PAX2: variants seen among roughly 807,000 people sequenced by gnomAD.
PAX2 encodes the protein paired box 2, also known as paired box protein Pax-2.
In PAX2, 9 loss-of-function variants were observed where a neutral mutation model predicts 41.7. The observed-to-expected ratio is 0.22, with a 90% CI of 0.13 to 0.38. The LOEUF is 0.38. PAX2 is among the 10% of genes least tolerant of loss of function. PAX2 has a pLI of 1.00. For missense variants in PAX2, 418 were observed against 531.6 expected (o/e 0.79, Z 2.10); for synonymous variants, 221 against 212.7 (o/e 1.04, Z -0.34).
chr10:100,745,845 C>A lies in PAX2; in HGVS notation c.-416C>A. The A allele has an allele frequency of 9.1e-7, 1 of 1,100,946 alleles. No individual in the cohort carries two copies. The highest frequency in any genetic ancestry group is 1.1e-6 in the Non-Finnish European group (1 of 904,092). The allele number at this position is 1,100,946 out of a possible 1,614,324, so 68.2% of individuals were successfully genotyped here. On this transcript the variant is annotated 5_prime_UTR_variant, in exon 1 of 10. Coordinates refer to ENST00000355243, the MANE Select transcript of PAX2 (RefSeq NM_000278.5). ...CTCCCCTCCCGGCGCCCTCTGACCG[C>A]CCCCGCCCCGCGCGCTCTCCGACCA... is the stretch of plus-strand genomic sequence containing the variant.
upstream of PAX2, among the ~76,000 whole-genome samples, chr10:100,741,846 A>T (rs1844966495): frequency 6.6e-6 from 1 of 152,106 alleles, no homozygotes; most frequent in African/African-American, 2.4e-5. Flanking sequence ...TAATGCATTT[A>T]ATTTGGTCCG....
intron 3 of PAX2, among the ~76,000 whole-genome samples, chr10:100,766,931 A>G (rs1176971200): frequency 6.6e-6 from 1 of 152,224 alleles, no homozygotes; most frequent in Admixed American, 6.5e-5. Context: ...ATCAATGAAC[A>G]CAATAATTCA....
chr10:100,807,700 A>C lies in PAX2; in HGVS notation c.792+1095A>C, dbSNP rs143457859. ...GAGCCCCCAGCACACCCGCTCCCACACAGGGGCACACTCCCATCCCTGCTA... is the reference window on the plus strand; with the variant it reads ...GAGCCCCCAGCACACCCGCTCCCACCCAGGGGCACACTCCCATCCCTGCTA... On this transcript the variant is annotated intron_variant, in intron 6 of 9. Transcript: ENST00000355243. 6.6e-3 allele frequency among the ~76,000 whole-genome samples: 1,005 copies of C among 152,260 alleles called. 10 individuals are homozygous for C. The highest frequency in any genetic ancestry group is 0.01 in the Middle Eastern group (3 of 294).
At chr10:100,786,970 T>A in intron 5 of PAX2, 1 of 1,389,338 alleles carries the variant, frequency 7.2e-7, no homozygotes, top group South Asian at 1.1e-5. Context: ...CCTGCCCACA[T>A]TAGAGGAGGT....
intron 5 of PAX2, among the ~76,000 whole-genome samples, chr10:100,802,615 G>T (rs1847604400): frequency 6.6e-6 from 1 of 152,172 alleles, no homozygotes; most frequent in Non-Finnish European, 1.5e-5. Flanking sequence ...TCTGCCAGAG[G>T]TATGGCTTTG....
chr10:100,748,410 A>C lies in PAX2; in HGVS notation c.44-1336A>C. 1 of 983,872 alleles carries C rather than the reference A, an allele frequency of 1.0e-6. No homozygotes were observed. Among genetic ancestry groups the C allele is most frequent in the Non-Finnish European group, 1.2e-6 (1 of 829,604 alleles). The allele number at this position is 983,872 out of a possible 1,614,324, so 60.9% of individuals were successfully genotyped here. A position where few individuals can be genotyped will look rare whatever the true frequency, so the allele number is the denominator to read the frequency against. The stretch of plus-strand genomic sequence containing the variant: ...GAGGTCTTTCCCCAGGGTTTCACCG[A>C]GCTTGCTCTAGGTACCCCCCGAGAA... On this transcript the variant is annotated intron_variant, in intron 1 of 9. Coordinates refer to ENST00000355243, the MANE Select transcript of PAX2 (RefSeq NM_000278.5). The surrounding 1 kb of genome is among the most constrained non-coding windows in gnomAD (Gnocchi z 5.0).
At chr10:100,769,862 G>A (rs1466462894) in intron 3 of PAX2, among the ~76,000 whole-genome samples, 1 of 152,118 alleles carries the variant, frequency 6.6e-6, no homozygotes, top group South Asian at 2.1e-4. Flanking sequence ...TGGACTCTAT[G>A]TGAACTGAGT....
chr10:100,748,362 A>G lies in PAX2; in HGVS notation c.44-1384A>G. The G allele has an allele frequency of 1.0e-6, 1 of 984,430 alleles. No homozygotes were observed. Among genetic ancestry groups the G allele is most frequent in the Middle Eastern group, 5.2e-4 (1 of 1,914 alleles). 61.0% of individuals were successfully genotyped at this position (984,430 alleles called of 1,614,324 possible). On this transcript the variant is annotated intron_variant, in intron 1 of 9. Transcript: ENST00000355243. The surrounding 1 kb of genome is among the most constrained non-coding windows in gnomAD (Gnocchi z 5.0). ...GCAAGGGGGTAAAAGAAGGGGCTTC[A>G]GTCTCTCCCAGCAACGCGATCAGAG...
At position 100,826,877 on chromosome 10, in the gene PAX2, G is replaced by A. The variant is rs1316135299; in HGVS notation, c.1022-132G>A. The A allele has an allele frequency of 1.8e-5, 12 of 685,676 alleles. No individual in the cohort carries two copies. The highest frequency in any genetic ancestry group is 3.1e-5 in the Non-Finnish European group (12 of 381,194). The allele number at this position is 685,676 out of a possible 1,614,324, so 42.5% of individuals were successfully genotyped here. A position where few individuals can be genotyped will look rare whatever the true frequency, so the allele number is the denominator to read the frequency against. The stretch of plus-strand genomic sequence containing the variant: ...CACCTCCGCCCGGCCCGCCCGCCAC[G>A]GCCATTACCCTGCCCGCGACACCTG... On this transcript the variant is annotated intron_variant, in intron 8 of 9. Transcript: ENST00000355243. This position sits in a 1 kb window ranked among gnomAD's most constrained non-coding sequence, Gnocchi z 5.5.
rs1357727818 is a variant in PAX2, at chr10:100,746,146, G to C, written c.-115G>C. ...CCCGCGCGCCCCGCAGCAGCCGGGCGTTCACTCATCCTCCCTCCCCCACCG... is the reference window on the plus strand; with the variant it reads ...CCCGCGCGCCCCGCAGCAGCCGGGCCTTCACTCATCCTCCCTCCCCCACCG... On this transcript the variant is annotated 5_prime_UTR_variant, in exon 1 of 10. Coordinates refer to ENST00000355243, the MANE Select transcript of PAX2 (RefSeq NM_000278.5). The C allele has an allele frequency of 5.0e-6, 8 of 1,585,850 alleles. No homozygotes were observed. The highest frequency in any genetic ancestry group is 6.9e-6 in the Non-Finnish European group (8 of 1,167,388).
In PAX2 at chr10:100,750,842, G is replaced by A. The variant is rs1162043378; in HGVS notation, c.361G>A (p.Glu121Lys). 7 of 1,614,012 alleles carry A rather than the reference G, an allele frequency of 4.3e-6. No individual in the cohort carries two copies. Among genetic ancestry groups the A allele is most frequent in the South Asian group, 1.1e-5 (1 of 91,092 alleles). Residue 121 changes from glutamate (E) to lysine (K), a missense_variant, in exon 3 of 10, where the codon GAG becomes AAG. Around this residue, in one of 2 missense-constraint regions of PAX2, gnomAD observed 108 missense variants for 206.3 expected, o/e 0.52. Coordinates refer to ENST00000355243, the MANE Select transcript of PAX2 (RefSeq NM_000278.5). This position sits in a 1 kb window ranked among gnomAD's most constrained non-coding sequence, Gnocchi z 4.1. ...AWEIRDRLLA[E>K]GICDNDTVPS... ...GGAGATTCGAGACCGGCTCCTGGCC[G>A]AGGGCATCTGTGACAATGACACAGT...
At chr10:100,739,224 T>C (rs572915482) in intron 1 of PAX2, among the ~76,000 whole-genome samples, 127 of 152,222 alleles carry the variant, frequency 8.3e-4, no homozygotes, top group African/African-American at 2.9e-3. Flanking sequence ...GGGTCTCTCC[T>C]TGTTTCAGCC....
upstream of PAX2, among the ~76,000 whole-genome samples, chr10:100,740,805 G>A (rs1440507571): frequency 6.6e-6 from 1 of 152,202 alleles, no homozygotes; most frequent in Non-Finnish European, 1.5e-5. Flanking sequence ...TAGGGAGGCG[G>A]TACAGGCTGT....
intron 6 of PAX2, among the ~76,000 whole-genome samples, chr10:100,807,013 GAA>G (rs1847812708): frequency 6.6e-6 from 1 of 152,042 alleles, no homozygotes; most frequent in Non-Finnish European, 1.5e-5. Context: ...GGGTCCTACA[GAA>G]AGTCTACGCT....
chr10:100,738,331 A>C (rs1446019292), intron 1 of PAX2, among the ~76,000 whole-genome samples: 1 of 152,188 alleles, frequency 6.6e-6, no homozygotes, highest in Non-Finnish European at 1.5e-5. Flanking sequence ...GCCCCGCTGG[A>C]AGAGGCTGCG....
In PAX2 at chr10:100,750,587, C is replaced by G; in HGVS notation, c.213-107C>G. 2.0e-6 allele frequency: 2 copies of G among 1,010,238 alleles called. No individual in the cohort carries two copies. The highest frequency in any genetic ancestry group is 2.0e-5 in the Admixed American group (1 of 49,136). The allele number at this position is 1,010,238 out of a possible 1,614,324, so 62.6% of individuals were successfully genotyped here. Reference sequence around the variant, plus strand: ...CACACTGGGCCTTTTCCCTCCACTCCGCTGCCTCGGCCGGGCAGGAGAGTG... The same window carrying G: ...CACACTGGGCCTTTTCCCTCCACTCGGCTGCCTCGGCCGGGCAGGAGAGTG... On this transcript the variant is annotated intron_variant, in intron 2 of 9. Coordinates refer to ENST00000355243, the MANE Select transcript of PAX2 (RefSeq NM_000278.5). This position sits in a 1 kb window ranked among gnomAD's most constrained non-coding sequence, Gnocchi z 4.1.
chr10:100,823,356 A>G (rs1848432231), intron 7 of PAX2, among the ~76,000 whole-genome samples: 1 of 152,224 alleles, frequency 6.6e-6, no homozygotes, highest in South Asian at 2.1e-4. Context: ...CTAGGGAAGG[A>G]TAAATCACTC....
intron 5 of PAX2, among the ~76,000 whole-genome samples, chr10:100,793,390 T>G (rs1039660295): frequency 1.3e-5 from 2 of 152,232 alleles, no homozygotes; most frequent in African/African-American, 4.8e-5. Flanking sequence ...CCACAACTTG[T>G]GTGTTCCCTT....
At chr10:100,742,619 T>G (rs1394095270), upstream of PAX2, among the ~76,000 whole-genome samples, 2 of 152,142 alleles carry the variant, frequency 1.3e-5, no homozygotes, top group Non-Finnish European at 2.9e-5. Flanking sequence ...CCCAAAAGTT[T>G]ATTTGCCTTT....
Sources: gnomAD v4.1 joint callset for allele counts (sites outside exome capture counted in the v4.1 genomes callset) on GRCh38, gnomAD v4.1.1 for gene constraint, gnomAD v4.1.1 regional missense constraint, Gnocchi (gnomAD v3.1) non-coding constraint, MANE v1.5 for transcripts, NCBI Gene and HGNC (gene_info 2026-07-23, HGNC 2026-07-21) for gene names.